Variants in THSD7B observed in about 807,000 individuals in gnomAD.
The protein encoded by THSD7B is thrombospondin type 1 domain containing 7B, also known as thrombospondin type-1 domain-containing protein 7B.
In THSD7B, 138 loss-of-function variants were observed where a neutral mutation model predicts 213.6. That is an observed-to-expected ratio of 0.65 (90% CI 0.56 to 0.74). The LOEUF (loss-of-function observed/expected upper bound fraction) is 0.74. Among genes scored for constraint, THSD7B ranks in the 30% least tolerant of loss-of-function variants. THSD7B has a pLI of 0.00. For synonymous variants in THSD7B, 742 were observed against 687.0 expected (o/e 1.08, Z -1.25); for missense variants, 1,931 against 1,991.5 (o/e 0.97, Z 0.58).
intron 12 of THSD7B, among the ~76,000 whole-genome samples, chr2:137,343,055 C>T (rs934637250): frequency 2.0e-5 from 3 of 150,130 alleles, no homozygotes; most frequent in Non-Finnish European, 3.0e-5. Context: ...AAAAGAATTT[C>T]GAAGTATTCC....
chr2:137,469,204 T>C (rs139555048), intron 15 of THSD7B, among the ~76,000 whole-genome samples: 23 of 152,270 alleles, frequency 1.5e-4, no homozygotes, highest in African/African-American at 5.3e-4. Context: ...AGAAAGGTAA[T>C]TGAATAGAAC....
chr2:136,915,722 A>C (rs1684337998), intron 2 of THSD7B, among the ~76,000 whole-genome samples: 1 of 152,220 alleles, frequency 6.6e-6, no homozygotes, highest in Non-Finnish European at 1.5e-5. Flanking sequence ...AGTAAGTGGC[A>C]GAGCCAAGGT....
Position 136,983,009 on chromosome 2 carries a change from G to A in THSD7B, c.140-73411G>A, listed in dbSNP as rs115533038. Among the ~76,000 whole-genome samples the A allele has an allele frequency of 6.2e-3, 936 of 151,848 alleles. 10 individuals carry two copies. Among genetic ancestry groups the A allele is most frequent in the African/African-American group, 0.022 (892 of 41,406 alleles). The stretch of plus-strand genomic sequence containing the variant: ...ATGTTTGGTCAGTAGAGGCCCATGC[G>A]AGCTCAACATGTGTACTGAGAAGTG... On this transcript the variant is annotated intron_variant, in intron 2 of 27. Coordinates refer to ENST00000409968, the MANE Select transcript of THSD7B (RefSeq NM_001316349.2).
chr2:136,903,175 AT>A, intron 2 of THSD7B, among the ~76,000 whole-genome samples: 1 of 152,242 alleles, frequency 6.6e-6, no homozygotes. Context: ...TTTAAAAAAA[AT>A]ATGAAATTAG....
At chr2:137,319,217 A>G (rs1046654938) in intron 12 of THSD7B, among the ~76,000 whole-genome samples, 3 of 151,424 alleles carry the variant, frequency 2.0e-5, no homozygotes, top group East Asian at 1.9e-4. Flanking sequence ...CTGTAAGTAT[A>G]TATTTCTTTT....
chr2:137,139,471 C>T (rs1008910903), intron 5 of THSD7B, among the ~76,000 whole-genome samples: 12 of 152,182 alleles, frequency 7.9e-5, no homozygotes, highest in Non-Finnish European at 1.2e-4. Context: ...CTGACCAGTG[C>T]TTCGGTGGAA....
intron 5 of THSD7B, among the ~76,000 whole-genome samples, chr2:137,117,632 T>C (rs144339281): frequency 6.6e-6 from 1 of 152,262 alleles, no homozygotes; most frequent in East Asian, 1.9e-4. Context: ...GGAGTGTGAT[T>C]GTGATTGCTT....
intron 17 of THSD7B, among the ~76,000 whole-genome samples, chr2:137,572,780 T>C (rs1215124645): frequency 6.6e-6 from 1 of 152,160 alleles, no homozygotes; most frequent in Non-Finnish European, 1.5e-5. Context: ...TTTATCACAG[T>C]TACATGAACA....
intron 2 of THSD7B, among the ~76,000 whole-genome samples, chr2:137,038,243 T>G (rs1686812943): frequency 6.6e-6 from 1 of 152,214 alleles, no homozygotes; most frequent in South Asian, 2.1e-4. Context: ...GACTGAAATA[T>G]TTGACGTTTT....
intron 1 of THSD7B, among the ~76,000 whole-genome samples, chr2:136,852,282 G>A (rs1683109893): frequency 6.6e-6 from 1 of 151,816 alleles, no homozygotes; most frequent in Non-Finnish European, 1.5e-5. Context: ...AGAAGGTAAG[G>A]CAGTCCTGGG....
At chr2:137,619,600 CTACAACTCCCAATAGGTGAG>C (rs142984199) in intron 19 of THSD7B, among the ~76,000 whole-genome samples, 19,164 of 152,174 alleles carry the variant, frequency 0.13, 1,306 homozygotes, top group South Asian at 0.21. Flanking sequence ...AATCATTAAT[CTACAACTCCCAATAGGTGAG>C]CATTGTTTAT....
chr2:136,787,328 T>C (rs1166689411), intron 1 of THSD7B, among the ~76,000 whole-genome samples: 1 of 152,168 alleles, frequency 6.6e-6, no homozygotes, highest in South Asian at 2.1e-4. Context: ...TTATGAGCTC[T>C]GACAATTTTT....
At chr2:137,079,257 TA>T (rs1687694182) in intron 3 of THSD7B, among the ~76,000 whole-genome samples, 1 of 152,188 alleles carries the variant, frequency 6.6e-6, no homozygotes, top group African/African-American at 2.4e-5. Flanking sequence ...TAATTGATTA[TA>T]TTTTTTAGTT....
chr2:137,000,204 T>G (rs1168400228), intron 2 of THSD7B, among the ~76,000 whole-genome samples: 2 of 152,112 alleles, frequency 1.3e-5, no homozygotes, highest in African/African-American at 4.8e-5. Context: ...GGCAAAAATG[T>G]TTCCTGAGTC....
At chr2:136,915,308 C>A (rs1029786365) in intron 2 of THSD7B, among the ~76,000 whole-genome samples, 1 of 152,228 alleles carries the variant, frequency 6.6e-6, no homozygotes, top group African/African-American at 2.4e-5. Flanking sequence ...TCGGAGTACT[C>A]AGTCCAGAGA....
At chr2:137,638,172 G>A (rs888275594) in intron 20 of THSD7B, among the ~76,000 whole-genome samples, 8 of 152,078 alleles carry the variant, frequency 5.3e-5, no homozygotes, top group South Asian at 2.1e-4. Context: ...AAATTTTACC[G>A]CTGATATGGT....
At chr2:137,450,161 T>A (rs1324208802) in intron 14 of THSD7B, among the ~76,000 whole-genome samples, 2 of 152,168 alleles carry the variant, frequency 1.3e-5, no homozygotes, top group African/African-American at 4.8e-5. Flanking sequence ...TATTTGGTAG[T>A]GATTATTAGA....
chr2:136,862,259 T>C (rs1683267723), intron 1 of THSD7B, among the ~76,000 whole-genome samples: 1 of 152,128 alleles, frequency 6.6e-6, no homozygotes, highest in African/African-American at 2.4e-5. Flanking sequence ...GACCCCACCT[T>C]TCCCACTTGC....
chr2:137,271,718 A>G, intron 10 of THSD7B, among the ~76,000 whole-genome samples: 1 of 151,850 alleles, frequency 6.6e-6, no homozygotes, highest in East Asian at 1.9e-4. Flanking sequence ...TTGCTTAATT[A>G]TAAGTTCTGT....
Sources: allele counts gnomAD v4.1 joint callset (sites outside exome capture counted in the v4.1 genomes callset), GRCh38; gene constraint gnomAD v4.1.1; transcripts MANE v1.5; gene names NCBI Gene and HGNC (gene_info 2026-07-23, HGNC 2026-07-21).